LARGE1: variants seen among roughly 807,000 people sequenced by gnomAD.
LARGE1 encodes xylosyl- and glucuronyltransferase LARGE1.
Under a neutral mutation model 87.6 loss-of-function variants are expected in LARGE1, and 43 were observed. That is an observed-to-expected ratio of 0.49 (90% CI 0.38 to 0.63). The LOEUF is 0.63. LARGE1 is among the 30% of genes least tolerant of loss of function. LARGE1 has a pLI of 0.00. For synonymous variants in LARGE1, 434 were observed against 394.6 expected (o/e 1.10, Z -1.18); for missense variants, 802 against 1,000.2 (o/e 0.80, Z 2.67).
At chr22:33,367,091 T>C (rs2064623674) in intron 9 of LARGE1, among the ~76,000 whole-genome samples, 2 of 152,214 alleles carry the variant, frequency 1.3e-5, no homozygotes, top group South Asian at 4.1e-4. Flanking sequence ...AATTCTCAAA[T>C]TTGTTCACAT....
At chr22:33,745,158 T>C (rs1016565042) in intron 2 of LARGE1, among the ~76,000 whole-genome samples, 5 of 152,228 alleles carry the variant, frequency 3.3e-5, no homozygotes, top group Admixed American at 3.3e-4. Flanking sequence ...CTCTTTCTGA[T>C]GACTACCTGT....
At chr22:33,874,733 G>A (rs1280933225) in intron 1 of LARGE1, among the ~76,000 whole-genome samples, 1 of 152,148 alleles carries the variant, frequency 6.6e-6, no homozygotes, top group Non-Finnish European at 1.5e-5. Flanking sequence ...AACTTAGCCT[G>A]TCTGTGCCTC....
chr22:33,459,349 C>T (rs796366488), intron 6 of LARGE1, among the ~76,000 whole-genome samples: 26 of 152,120 alleles, frequency 1.7e-4, no homozygotes, highest in African/African-American at 6.0e-4. Context: ...TTAGCATCTG[C>T]TCTCAATGTG....
intron 6 of LARGE1, among the ~76,000 whole-genome samples, chr22:33,447,710 C>A (rs775046974): frequency 6.6e-6 from 1 of 152,102 alleles, no homozygotes; most frequent in Admixed American, 6.5e-5. Flanking sequence ...TGCTTCTGGG[C>A]GTGGGGTAAG....
intron 11 of LARGE1, among the ~76,000 whole-genome samples, chr22:33,260,015 G>C (rs1602162048): frequency 6.6e-6 from 1 of 152,164 alleles, no homozygotes; most frequent in Admixed American, 6.5e-5. Flanking sequence ...GTTTCACTTT[G>C]GGCCATTATT....
rs116021902 is a variant in LARGE1, at chr22:33,799,820, T to G, written c.-82-38262A>C. On this transcript the variant is annotated intron_variant, in intron 1 of 14. Coordinates refer to ENST00000397394, the MANE Select transcript of LARGE1 (RefSeq NM_133642.5). ...AGGAAGAAGACTTTGTGTATTGGTA[T>G]GGGGACATAGTTGGTTCAGGGGAGA... Among the ~76,000 whole-genome samples the G allele has an allele frequency of 4.6e-3, 693 of 152,274 alleles. 3 individuals carry two copies. The highest frequency in any genetic ancestry group is 0.015 in the African/African-American group (636 of 41,566).
Position 33,655,074 on chromosome 22 carries a change from G to A in LARGE1, c.107-4406C>T, listed in dbSNP as rs2080923710. On this transcript the variant is annotated intron_variant, in intron 2 of 14. Transcript: ENST00000397394. ...CAAGTTCCATATGTATCTTGTTGCA[G>A]AGCAGCAACAATTTGAGGATATGGT... Among the ~76,000 whole-genome samples the A allele has an allele frequency of 4.6e-5, 7 of 152,168 alleles. No homozygotes were observed. The South Asian group carries it at 1.5e-3, about 32-fold the overall frequency.
At chr22:33,395,473 A>AC (rs2065707464) in intron 7 of LARGE1, among the ~76,000 whole-genome samples, 2 of 152,222 alleles carry the variant, frequency 1.3e-5, no homozygotes, top group Admixed American at 1.3e-4. Context: ...ACTTCATAGC[A>AC]TGTAGAGGAC....
chr22:33,298,104 G>C (rs988963398), intron 12 of LARGE1, among the ~76,000 whole-genome samples: 1 of 151,982 alleles, frequency 6.6e-6, no homozygotes, highest in Non-Finnish European at 1.5e-5. Flanking sequence ...TCTTGGAAAT[G>C]CCACGATGTC....
At position 33,675,259 on chromosome 22, in the gene LARGE1, C is replaced by CCT. The variant is rs2081535424; in HGVS notation, c.107-24593_107-24592dup. On this transcript the variant is annotated intron_variant, in intron 2 of 14. Transcript: ENST00000397394. ...CGGTGAGCCAAGATTGCGCCACTGC[C>CCT]CTCCAGCCTGGGCAACAAGAGCGAA... Among the ~76,000 whole-genome samples the CCT allele has an allele frequency of 2.3e-5, 3 of 128,232 alleles. No individual in the cohort carries two copies. The South Asian group carries it at 8.1e-4, about 35-fold the overall frequency. The allele number at this position is 128,232 out of a possible 152,430, so 84.1% of individuals were successfully genotyped here.
chr22:33,698,848 G>A (rs1257968565), intron 2 of LARGE1, among the ~76,000 whole-genome samples: 3 of 152,206 alleles, frequency 2.0e-5, no homozygotes, highest in Admixed American at 2.0e-4. Flanking sequence ...TCACTCTAGT[G>A]TCTGTTCAAA....
chr22:33,593,418 G>C (rs547179117), intron 5 of LARGE1, among the ~76,000 whole-genome samples: 1 of 152,256 alleles, frequency 6.6e-6, no homozygotes, highest in East Asian at 1.9e-4. Context: ...GAGAGAACTT[G>C]GTTGGTATTC....
At chr22:33,350,734 C>T (rs1002200386) in intron 9 of LARGE1, among the ~76,000 whole-genome samples, 1 of 152,196 alleles carries the variant, frequency 6.6e-6, no homozygotes, top group African/African-American at 2.4e-5. Flanking sequence ...CTTTTGTCTG[C>T]CCCGCATCAC....
chr22:33,697,162 C>G (rs1257951917), intron 2 of LARGE1, among the ~76,000 whole-genome samples: 5 of 152,100 alleles, frequency 3.3e-5, no homozygotes, highest in Non-Finnish European at 7.3e-5. Context: ...CAAGCATGAA[C>G]AAGGGATGTT....
At chr22:33,826,191 C>A (rs1242656281) in intron 1 of LARGE1, among the ~76,000 whole-genome samples, 1 of 152,100 alleles carries the variant, frequency 6.6e-6, no homozygotes, top group East Asian at 1.9e-4. Context: ...GGGCTGTGCT[C>A]CCTCCAGGGA....
intron 2 of LARGE1, chr22:33,726,029 T>C (rs1483551944): frequency 1.3e-5 from 2 of 148,676 alleles, no homozygotes; most frequent in African/African-American, 4.9e-5. Flanking sequence ...CTGCCCCCCA[T>C]AAGGAAGGAT....
rs570295166 is a variant in LARGE1 at position 33,595,723 on chromosome 22, C to T, written c.615+8712G>A. ...TCAAAACATAGAAGCCAGGTATTTGCTGGAGGCCAGGATTGGCCAGATTTT... is the reference window on the plus strand; with the variant it reads ...TCAAAACATAGAAGCCAGGTATTTGTTGGAGGCCAGGATTGGCCAGATTTT... On this transcript the variant is annotated intron_variant, in intron 5 of 14. Transcript: ENST00000397394. Among the ~76,000 whole-genome samples the T allele has an allele frequency of 7.2e-5, 11 of 152,276 alleles. No homozygotes were observed. The South Asian group carries it at 1.7e-3, about 23-fold the overall frequency.
At chr22:33,174,576 C>A (rs933971862) in intron 11 of LARGE1, among the ~76,000 whole-genome samples, 2 of 151,794 alleles carry the variant, frequency 1.3e-5, no homozygotes, top group African/African-American at 4.8e-5. Context: ...AGATCAACAA[C>A]AAAATAGATT....
downstream of LARGE1, among the ~76,000 whole-genome samples, chr22:33,272,437 C>A (rs571630960): frequency 6.6e-5 from 10 of 152,298 alleles, no homozygotes; most frequent in South Asian, 2.1e-3. Flanking sequence ...TGGAAATATG[C>A]CCAAAAAGGC....
Sources: gnomAD v4.1 joint callset for allele counts (sites outside exome capture counted in the v4.1 genomes callset) on GRCh38, gnomAD v4.1.1 for gene constraint, MANE v1.5 for transcripts, NCBI Gene and HGNC (gene_info 2026-07-23, HGNC 2026-07-21) for gene names.